MDGA1: variants seen among roughly 807,000 people sequenced by gnomAD.
MDGA1 encodes MAM domain-containing glycosylphosphatidylinositol anchor protein 1.
MDGA1 carries 54 observed loss-of-function variants against 101.5 expected under a neutral mutation model. The observed-to-expected ratio is 0.53, with a 90% CI of 0.43 to 0.67. The LOEUF is 0.67. MDGA1 is among the 30% of genes least tolerant of loss of function. MDGA1 has a pLI of 0.00. For missense variants in MDGA1, 1,083 were observed against 1,323.8 expected (o/e 0.82, Z 2.82); for synonymous variants, 533 against 558.3 (o/e 0.95, Z 0.64).
chr6:37,636,647 C>A lies in MDGA1; in HGVS notation c.*721G>T. On this transcript the variant is annotated 3_prime_UTR_variant, in exon 17 of 17. Coordinates refer to ENST00000434837, the MANE Select transcript of MDGA1 (RefSeq NM_153487.4). ...TCTTCAGACTGCCCAGGCCCAAGAC[C>A]CTGTGCTGGGTCCCTTCAAAGGGTG... is the stretch of plus-strand genomic sequence containing the variant. 6.5e-6 allele frequency: 1 copy of A among 152,802 alleles called. No homozygotes were observed. Among genetic ancestry groups the A allele is most frequent in the Non-Finnish European group, 1.5e-5 (1 of 68,094 alleles). The allele number at this position is 152,802 out of a possible 1,614,324, so 9.5% of individuals were successfully genotyped here.
At position 37,630,968 on chromosome 6, in the gene MDGA1, T is replaced by C. The variant is rs1341332882; in HGVS notation, c.*6400A>G. 6.6e-6 allele frequency: 1 copy of C among 152,182 alleles called. No individual in the cohort carries two copies. Among genetic ancestry groups the C allele is most frequent in the Non-Finnish European group, 1.5e-5 (1 of 68,058 alleles). 9.4% of individuals were successfully genotyped at this position (152,182 alleles called of 1,614,324 possible). A position where few individuals can be genotyped will look rare whatever the true frequency, so the allele number is the denominator to read the frequency against. Reference sequence around the variant, plus strand: ...AGGCCTGAGCTGAAGCTCCAAGGCATCTTCAACTCAGCATGTCACATTCTA... The same window carrying C: ...AGGCCTGAGCTGAAGCTCCAAGGCACCTTCAACTCAGCATGTCACATTCTA... On this transcript the variant is annotated 3_prime_UTR_variant, in exon 17 of 17. Coordinates refer to ENST00000434837, the MANE Select transcript of MDGA1 (RefSeq NM_153487.4).
Position 37,643,927 on chromosome 6 carries a change from G to A in MDGA1, c.2418C>T (p.Ile806=), listed in dbSNP as rs375230040. Residue 806 remains isoleucine (I), a synonymous_variant, in exon 14 of 17, where the codon ATC becomes ATT. Transcript: ENST00000434837. ...SGTPEGYYMF[I]ETSRPRELGD... is the part of the protein sequence containing the mutation. Reference sequence around the variant, plus strand: ...CCAGCTCCCGAGGCCTCGATGTCTCGATGAACATGTAGTAGCCTGCGGGGA... The same window carrying A: ...CCAGCTCCCGAGGCCTCGATGTCTCAATGAACATGTAGTAGCCTGCGGGGA... 8.1e-5 allele frequency: 130 copies of A among 1,613,686 alleles called. No individual in the cohort carries two copies. In the Middle Eastern group the frequency reaches 2.8e-3, roughly 35 times the overall value.
rs1020739776 is a variant in MDGA1, at chr6:37,655,644, C to G, written c.579+56G>C. On this transcript the variant is annotated intron_variant, in intron 4 of 16. Coordinates refer to ENST00000434837, the MANE Select transcript of MDGA1 (RefSeq NM_153487.4). This position sits in a 1 kb window ranked among gnomAD's most constrained non-coding sequence, Gnocchi z 5.1. ...CCCAAAAACTCAGCCCCATGCCCCC[C>G]TCCCCTGTTGGATGCAGGAGAAGTG... 1.1e-5 allele frequency: 15 copies of G among 1,400,482 alleles called. No individual in the cohort carries two copies. Among genetic ancestry groups the G allele is most frequent in the Middle Eastern group, 3.6e-4 (2 of 5,528 alleles). 86.8% of individuals were successfully genotyped at this position (1,400,482 alleles called of 1,614,324 possible).
chr6:37,659,967 G>T (rs970782422), intron 2 of MDGA1, among the ~76,000 whole-genome samples: 6 of 151,502 alleles, frequency 4.0e-5, no homozygotes, highest in African/African-American at 1.5e-4. Flanking sequence ...TCAAGCCTTG[G>T]TATGCTTTAT....
chr6:37,664,210 TC>T, intron 1 of MDGA1, 104 bp from the exon 2 acceptor site: 1 of 1,432,308 alleles, frequency 7.0e-7, no homozygotes, highest in South Asian at 1.3e-5. Flanking sequence ...AGCCCAGATC[TC>T]CCCAGGCCAT....
intron 2 of MDGA1, among the ~76,000 whole-genome samples, chr6:37,658,684 G>GGA (rs1369584867): frequency 1.3e-5 from 2 of 152,184 alleles, no homozygotes; most frequent in African/African-American, 4.8e-5. Context: ...TTAAGAGCAT[G>GGA]GATTCGGCCG....
chr6:37,654,900 C>T lies in MDGA1; in HGVS notation c.612G>A (p.Leu204=), dbSNP rs1761449773. The T allele has an allele frequency of 1.2e-6, 2 of 1,613,666 alleles. No homozygotes were observed. Among genetic ancestry groups the T allele is most frequent in the African/African-American group, 2.7e-5 (2 of 74,994 alleles). The part of the protein sequence containing the change: ...GETKVLKLKN[L]RPQDYASYTC... ...TGTAGCTGGCATAGTCCTGGGGCCG[C>T]AGGTTCTTCAGCTTCAGGACCTTGG... The change falls in exon 5 of 17, where the codon CTG becomes CTA. Residue 204 remains leucine (L), a synonymous_variant. Coordinates refer to ENST00000434837, the MANE Select transcript of MDGA1 (RefSeq NM_153487.4).
At position 37,696,271 on chromosome 6, in the gene MDGA1, C is replaced by T. The variant is rs78198794; in HGVS notation, c.67+474G>A. 4.6e-3 allele frequency among the ~76,000 whole-genome samples: 701 copies of T among 152,292 alleles called. 3 individuals carry two copies. The highest frequency in any genetic ancestry group is 0.027 in the Middle Eastern group (8 of 294). On this transcript the variant is annotated intron_variant, in intron 1 of 16. Coordinates refer to ENST00000434837, the MANE Select transcript of MDGA1 (RefSeq NM_153487.4). This position sits in a 1 kb window ranked among gnomAD's most constrained non-coding sequence, Gnocchi z 5.6. ...AAGCCCTGAGTAGAAGAAGCGAAGC[C>T]GCAGCAACAGCGGGGAAGGCGAGCC...
In MDGA1 at chr6:37,644,485, C is replaced by T. The variant is rs1764177497; in HGVS notation, c.2401+12G>A. On this transcript the variant is annotated intron_variant, in intron 13 of 16. Coordinates refer to ENST00000434837, the MANE Select transcript of MDGA1 (RefSeq NM_153487.4). ...GCAATCCTCCATTTCTGGCAGCAGG[C>T]CAGGTCCTCACCCTCAGGGGTGCCA... 4 of 1,545,198 alleles carry T rather than the reference C, an allele frequency of 2.6e-6. No individual in the cohort carries two copies. Among genetic ancestry groups the T allele is most frequent in the Admixed American group, 1.9e-5 (1 of 52,084 alleles).
In MDGA1 at chr6:37,637,000, C is replaced by T. The variant is rs45538237; in HGVS notation, c.*368G>A. ...ACAGGGTAAAGTCAGAAGCACACCA[C>T]GAGTGCAGCAAGGACAAGGCCTATG... On this transcript the variant is annotated 3_prime_UTR_variant, in exon 17 of 17. Transcript: ENST00000434837. 58 of 172,496 alleles carry T rather than the reference C, an allele frequency of 3.4e-4. No individual in the cohort carries two copies. The highest frequency in any genetic ancestry group is 5.9e-4 in the Non-Finnish European group (48 of 81,134). 10.7% of individuals were successfully genotyped at this position (172,496 alleles called of 1,614,324 possible). A position where few individuals can be genotyped will look rare whatever the true frequency, so the allele number is the denominator to read the frequency against.
chr6:37,673,116 A>G (rs142609422), intron 1 of MDGA1, among the ~76,000 whole-genome samples: 374 of 152,306 alleles, frequency 2.5e-3, no homozygotes, highest in Non-Finnish European at 4.6e-3. Context: ...GCGAGGTTAT[A>G]TAAGTTACCC....
rs1282242023 is a variant in MDGA1, at chr6:37,654,992, A to G, written c.580-60T>C. Reference sequence around the variant, plus strand: ...GCTTGAGTCTCCAGGGATCCCGCATACTCATTCACCCAGCACCAGAGCCTA... The same window carrying G: ...GCTTGAGTCTCCAGGGATCCCGCATGCTCATTCACCCAGCACCAGAGCCTA... On this transcript the variant is annotated intron_variant, in intron 4 of 16. Coordinates refer to ENST00000434837, the MANE Select transcript of MDGA1 (RefSeq NM_153487.4). 6.9e-6 allele frequency: 11 copies of G among 1,590,280 alleles called. No individual in the cohort carries two copies. The Admixed American group carries it at 1.7e-4, about 25-fold the overall frequency.
intron 16 of MDGA1, 60 bp from the exon 17 acceptor site, chr6:37,637,519 G>A (rs951933883): frequency 6.8e-7 from 1 of 1,476,200 alleles, no homozygotes; most frequent in East Asian, 2.3e-5. Flanking sequence ...GCAGGGGCAG[G>A]AAGTGGCAGG....
chr6:37,648,914 C>T (rs1442174369), intron 9 of MDGA1, 68 bp downstream of exon 9: 6 of 1,497,768 alleles, frequency 4.0e-6, no homozygotes, highest in South Asian at 2.5e-5. Flanking sequence ...ATCACCCGGG[C>T]TGGGATTGGG....
chr6:37,668,835 C>CTCTT (rs1313445770), intron 1 of MDGA1, among the ~76,000 whole-genome samples: 2 of 151,928 alleles, frequency 1.3e-5, no homozygotes, highest in Non-Finnish European at 2.9e-5. Context: ...AACTTTTTCT[C>CTCTT]TCTTTCTCTC....
intron 1 of MDGA1, among the ~76,000 whole-genome samples, chr6:37,679,191 G>A (rs9470659): frequency 0.03 from 4,578 of 152,194 alleles, 201 homozygotes; most frequent in African/African-American, 0.1. Context: ...ATAATGCTGA[G>A]CCTCTGAAAC....
intron 1 of MDGA1, among the ~76,000 whole-genome samples, chr6:37,689,391 C>G (rs192348101): frequency 6.6e-6 from 1 of 152,214 alleles, no homozygotes; most frequent in Admixed American, 6.5e-5. Context: ...ATATCCCCCC[C>G]AGACATGCCA....
chr6:37,671,574 C>T (rs75580992), intron 1 of MDGA1, among the ~76,000 whole-genome samples: 4,355 of 152,256 alleles, frequency 0.029, 175 homozygotes, highest in African/African-American at 0.092. Context: ...AAAAATTATA[C>T]ACCCAAAATG....
rs772893063 is a variant in MDGA1, at chr6:37,650,134, C to T, written c.1584G>A (p.Glu528=). Residue 528 remains glutamate, a synonymous_variant, in exon 8 of 17, where the codon GAG becomes GAA. Transcript: ENST00000434837. ...RYNGFNVRPR[E]AQVQLNVQFP... ...ACTGCACGTTCAGCTGCACCTGGGC[C>T]TCACGGGGGCGCACGTTGAAGCCAT... The T allele has an allele frequency of 2.9e-5, 46 of 1,606,376 alleles. No homozygotes were observed. Among genetic ancestry groups the T allele is most frequent in the Non-Finnish European group, 3.9e-5 (46 of 1,173,968 alleles).
Sources: gnomAD v4.1 joint callset for allele counts (sites outside exome capture counted in the v4.1 genomes callset) on GRCh38, gnomAD v4.1.1 for gene constraint, Gnocchi (gnomAD v3.1) non-coding constraint, MANE v1.5 for transcripts, NCBI Gene and HGNC (gene_info 2026-07-23, HGNC 2026-07-21) for gene names.